Variants in EDIL3 observed in about 807,000 individuals in gnomAD.
EDIL3 encodes the protein EGF like and discoidin domains 3, also known as EGF-like repeat and discoidin I-like domain-containing protein 3.
EDIL3 carries 37 observed loss-of-function variants against 67.4 expected under a neutral mutation model. The ratio of observed to expected loss-of-function variants is 0.55; its 90% confidence interval spans 0.42 to 0.72. The LOEUF is 0.72. Ranked by LOEUF, EDIL3 falls within the 30% of genes least tolerant of loss-of-function variation. The probability of loss-of-function intolerance (pLI) is 0.00; values close to 1 mark genes in which losing one functional copy is unlikely to be tolerated. For synonymous variants in EDIL3, 195 were observed against 196.3 expected (o/e 0.99, Z 0.05); for missense variants, 527 against 586.3 (o/e 0.90, Z 1.04).
intron 1 of EDIL3, among the ~76,000 whole-genome samples, chr5:84,286,031 G>T (rs141566046): frequency 1.0e-3 from 156 of 152,114 alleles, no homozygotes; most frequent in Middle Eastern, 3.4e-3. Flanking sequence ...TTTTTTCATG[G>T]ATTCACCCAA....
chr5:84,270,898 C>A (rs1745459352), intron 1 of EDIL3, among the ~76,000 whole-genome samples: 1 of 152,036 alleles, frequency 6.6e-6, no homozygotes, highest in Non-Finnish European at 1.5e-5. Context: ...TACAGCCAAA[C>A]CTGAAAAAAA....
At chr5:84,004,846 C>A (rs940105283) in intron 9 of EDIL3, among the ~76,000 whole-genome samples, 5 of 151,826 alleles carry the variant, frequency 3.3e-5, no homozygotes, top group East Asian at 1.9e-4. Flanking sequence ...CAGTGCTCAA[C>A]TGAATTAAGT....
At chr5:84,105,037 A>G (rs552875778) in intron 6 of EDIL3, among the ~76,000 whole-genome samples, 15 of 152,214 alleles carry the variant, frequency 9.9e-5, no homozygotes, top group Admixed American at 9.8e-4. Context: ...ATTAATGTCT[A>G]AAGTTTTATC....
chr5:84,346,608 T>C (rs762745775), intron 1 of EDIL3, among the ~76,000 whole-genome samples: 9 of 152,224 alleles, frequency 5.9e-5, no homozygotes, highest in Non-Finnish European at 1.0e-4. Context: ...TTTCTGTTAA[T>C]AGATGTTCCT....
At chr5:84,279,918 G>T (rs2112105815) in intron 1 of EDIL3, among the ~76,000 whole-genome samples, 1 of 152,172 alleles carries the variant, frequency 6.6e-6, no homozygotes, top group African/African-American at 2.4e-5. Flanking sequence ...AATCCCTGGG[G>T]TCTCTTTGCC....
At chr5:83,970,259 TA>T (rs1561389014) in intron 9 of EDIL3, among the ~76,000 whole-genome samples, 2,182 of 38,532 alleles carry the variant, frequency 0.057, 58 homozygotes, top group African/African-American at 0.089. Flanking sequence ...TCACTAATTA[TA>T]TATATATATA....
intron 4 of EDIL3, among the ~76,000 whole-genome samples, chr5:84,162,945 A>C (rs1748641171): frequency 6.6e-6 from 1 of 152,072 alleles, no homozygotes; most frequent in African/African-American, 2.4e-5. Context: ...TTAGTGTTTT[A>C]TTTCTTTCTG....
chr5:83,963,151 G>T, intron 10 of EDIL3, 54 bp downstream of exon 10: 1 of 1,529,970 alleles, frequency 6.5e-7, no homozygotes, highest in South Asian at 1.3e-5. Flanking sequence ...ATCAAACTTG[G>T]GTGTAATTTG....
intron 1 of EDIL3, among the ~76,000 whole-genome samples, chr5:84,302,239 G>C (rs1365075822): frequency 1.3e-5 from 2 of 151,690 alleles, no homozygotes; most frequent in Non-Finnish European, 2.9e-5. Flanking sequence ...GCTTACATTA[G>C]CACATTCATA....
chr5:84,291,973 C>T (rs968776789), intron 1 of EDIL3, among the ~76,000 whole-genome samples: 3 of 151,408 alleles, frequency 2.0e-5, no homozygotes, highest in Admixed American at 6.6e-5. Context: ...CATTGATATA[C>T]CCAGATACAT....
At chr5:84,196,784 C>T (rs977160917) in intron 3 of EDIL3, 9 of 152,014 alleles carry the variant, frequency 5.9e-5, no homozygotes, top group Non-Finnish European at 7.4e-5. Context: ...CATTTCAACA[C>T]ATAAGAAAAT....
intron 4 of EDIL3, among the ~76,000 whole-genome samples, chr5:84,145,547 C>T (rs1748277364): frequency 6.6e-6 from 1 of 151,996 alleles, no homozygotes; most frequent in African/African-American, 2.4e-5. Flanking sequence ...GAAGCTCATT[C>T]ACATTCTCTA....
At position 83,979,087 on chromosome 5, in the gene EDIL3, T is replaced by C. The variant is rs189198860; in HGVS notation, c.1138-15727A>G. On this transcript the variant is annotated intron_variant, in intron 9 of 10. Coordinates refer to ENST00000296591, the MANE Select transcript of EDIL3 (RefSeq NM_005711.5). ...ATTGTTACAAAGGCAAACAAACCCATAGAAAAATTACAGACAAGAGAGACA... is the reference window on the plus strand; with the variant it reads ...ATTGTTACAAAGGCAAACAAACCCACAGAAAAATTACAGACAAGAGAGACA... 1.6e-4 allele frequency among the ~76,000 whole-genome samples: 24 copies of C among 152,048 alleles called. No individual in the cohort carries two copies. In the East Asian group the frequency reaches 2.9e-3, roughly 18 times the overall value.
rs533872181 is a variant in EDIL3, at chr5:84,303,413, C to CATA, written c.68-49204_68-49202dup. ...TTTCCTAACCTGCATTCTAGCCATG[C>CATA]ATAAACATGATAACAACTTTTGAAG... On this transcript the variant is annotated intron_variant, in intron 1 of 10. Transcript: ENST00000296591. Among the ~76,000 whole-genome samples the CATA allele has an allele frequency of 3.0e-3, 461 of 152,284 alleles. 3 individuals are homozygous for CATA. Among genetic ancestry groups the CATA allele is most frequent in the Non-Finnish European group, 5.0e-3 (339 of 68,014 alleles).
intron 6 of EDIL3, among the ~76,000 whole-genome samples, chr5:84,085,660 A>G (rs1747056535): frequency 6.6e-6 from 1 of 152,158 alleles, no homozygotes; most frequent in African/African-American, 2.4e-5. Flanking sequence ...GGGGGTCAGG[A>G]CCCACTTGAG....
chr5:84,030,718 G>C (rs556774696), intron 9 of EDIL3, among the ~76,000 whole-genome samples: 30 of 152,200 alleles, frequency 2.0e-4, no homozygotes, highest in African/African-American at 7.2e-4. Flanking sequence ...CTAAGGGCTG[G>C]GAAGCAATCA....
chr5:84,041,036 T>A (rs1746111140), intron 9 of EDIL3, among the ~76,000 whole-genome samples: 1 of 151,416 alleles, frequency 6.6e-6, no homozygotes, highest in Admixed American at 6.6e-5. Context: ...GAGTCTGAGG[T>A]AGGAGGATCG....
chr5:84,369,296 T>C (rs990531595), intron 1 of EDIL3, among the ~76,000 whole-genome samples: 8 of 151,752 alleles, frequency 5.3e-5, no homozygotes, highest in African/African-American at 9.7e-5. Flanking sequence ...TGCATACATA[T>C]ATACATACAT....
chr5:84,026,050 T>C (rs1197904689), intron 9 of EDIL3, among the ~76,000 whole-genome samples: 1 of 152,172 alleles, frequency 6.6e-6, no homozygotes, highest in Non-Finnish European at 1.5e-5. Flanking sequence ...GTGTGGTCTC[T>C]GGATGGGCAG....
Sources: gnomAD v4.1 joint callset for allele counts (sites outside exome capture counted in the v4.1 genomes callset) on GRCh38, gnomAD v4.1.1 for gene constraint, MANE v1.5 for transcripts, NCBI Gene and HGNC (gene_info 2026-07-23, HGNC 2026-07-21) for gene names.